The following ARID4B variants were observed in gnomAD, a reference collection of about 807,000 sequenced individuals.
The protein encoded by ARID4B is AT-rich interactive domain-containing protein 4B.
ARID4B carries 26 observed loss-of-function variants against 147.5 expected under a neutral mutation model. The ratio of observed to expected loss-of-function variants is 0.18; its 90% CI spans 0.13 to 0.24. ARID4B has a LOEUF of 0.24. Ranked by LOEUF, ARID4B falls within the 10% of genes least tolerant of loss-of-function variation. The probability of loss-of-function intolerance (pLI) is 1.00; values close to 1 mark genes in which losing one functional copy is unlikely to be tolerated. For synonymous variants in ARID4B, 512 were observed against 507.9 expected, an observed-to-expected ratio of 1.01 and a Z score of -0.11; for missense variants, 1,179 against 1,511.5, an observed-to-expected ratio of 0.78 and a Z score of 3.65.
chr1:235,221,740 T>C (rs1667476551), intron 13 of ARID4B, 78 bp from the exon 14 acceptor site: 3 of 633,056 alleles, frequency 4.7e-6, no homozygotes, highest in African/African-American at 3.7e-5. Context: ...ACAGTATATA[T>C]GAGTATATTT....
At chr1:235,258,655 A>G (rs1475924124) in intron 3 of ARID4B, among the ~76,000 whole-genome samples, 1 of 152,206 alleles carries the variant, frequency 6.6e-6, no homozygotes, top group Non-Finnish European at 1.5e-5. Flanking sequence ...TTTATCAGGT[A>G]TATGTGATAA....
At chr1:235,175,463 T>C in intron 21 of ARID4B, 64 bp from the exon 22 acceptor site, 1 of 1,346,108 alleles carries the variant, frequency 7.4e-7, no homozygotes, top group Admixed American at 1.9e-5. Flanking sequence ...CAGATTTTAG[T>C]AGGTAATTTA....
At chr1:235,287,928 C>G (rs979482624) in intron 2 of ARID4B, among the ~76,000 whole-genome samples, 6 of 152,164 alleles carry the variant, frequency 3.9e-5, no homozygotes, top group Admixed American at 3.3e-4. Context: ...GACCTATGTA[C>G]AAAACAATGT....
chr1:235,210,853 C>T (rs1666670767), intron 17 of ARID4B, among the ~76,000 whole-genome samples: 1 of 148,850 alleles, frequency 6.7e-6, no homozygotes, highest in African/African-American at 2.4e-5. Context: ...TCCCTTCCTG[C>T]TATTTAAAAA....
At chr1:235,246,619 T>TC (rs1669313945) in intron 6 of ARID4B, 108 bp from the exon 7 acceptor site, 2 of 729,096 alleles carry the variant, frequency 2.7e-6, no homozygotes, top group Non-Finnish European at 4.7e-6. Flanking sequence ...GATTAAACTC[T>TC]CCCCCCAGGG....
chr1:235,217,338 G>A (rs953919750), intron 16 of ARID4B, among the ~76,000 whole-genome samples: 10 of 152,020 alleles, frequency 6.6e-5, no homozygotes, highest in African/African-American at 2.4e-4. Context: ...AAGAAAGAGA[G>A]CCTCTGAAAG....
In ARID4B at chr1:235,237,488, C is replaced by T. The variant is rs142268013; in HGVS notation, c.585+2825G>A. ...TTGTCCTCATTTTTCACTATCATTA[C>T]AAGAGCTGACATTTACTGCATATTT... On this transcript the variant is annotated intron_variant, in intron 8 of 23. Transcript: ENST00000264183. Among the ~76,000 whole-genome samples, 897 of 152,222 alleles carry T rather than the reference C, an allele frequency of 5.9e-3. 2 individuals are homozygous for T. The highest frequency in any genetic ancestry group is 7.7e-3 in the Non-Finnish European group (526 of 68,010).
chr1:235,237,386 T>C (rs1000576920), intron 8 of ARID4B, among the ~76,000 whole-genome samples: 1 of 152,158 alleles, frequency 6.6e-6, no homozygotes, highest in Non-Finnish European at 1.5e-5. Context: ...CTTGTACATA[T>C]AGGTATCCAC....
Position 235,209,569 on chromosome 1 carries a change from T to TG in ARID4B, c.1841+4199_1841+4200insC, listed in dbSNP as rs1430681768. On this transcript the variant is annotated intron_variant, in intron 17 of 23. Transcript: ENST00000264183. ...ATTGATTTTTTTGTTTTTTGTTTTG[T>TG]TTTTTTTTTTTTGAGATGGAGTCTT... 1.1e-3 allele frequency among the ~76,000 whole-genome samples: 111 copies of TG among 101,312 alleles called. 2 individuals carry two copies. Among genetic ancestry groups the TG allele is most frequent in the African/African-American group, 5.4e-3 (107 of 19,836 alleles). 66.5% of individuals were successfully genotyped at this position (101,312 alleles called of 152,430 possible). A position where few individuals can be genotyped will look rare whatever the true frequency, so the allele number is the denominator to read the frequency against.
chr1:235,255,789 G>T, intron 4 of ARID4B, 39 bp from the exon 5 acceptor site: 2 of 1,487,216 alleles, frequency 1.3e-6, no homozygotes, highest in Non-Finnish European at 1.8e-6. Flanking sequence ...ACTTTTAAAA[G>T]GTAAATTAAC....
At chr1:235,269,254 A>C (rs547023967) in intron 2 of ARID4B, among the ~76,000 whole-genome samples, 2 of 152,278 alleles carry the variant, frequency 1.3e-5, no homozygotes, top group East Asian at 3.9e-4. Flanking sequence ...CAGAACTGAC[A>C]GAGAATCAGC....
intron 2 of ARID4B, among the ~76,000 whole-genome samples, chr1:235,299,077 G>A (rs1019540112): frequency 1.3e-5 from 2 of 152,062 alleles, no homozygotes; most frequent in Admixed American, 6.5e-5. Flanking sequence ...AACAAAGTGA[G>A]ATGCCACGTC....
rs1664384329 is a variant in ARID4B at position 235,182,479 on chromosome 1, T to C, written c.2440A>G (p.Lys814Glu). ...RKDVKKDTTD[K>E]SSKPQIKRGK... ...CGTTTTATTTGTGGTTTTGAAGATT[T>C]ATCTGTTGTGTCCTTCTTGACATCC... The change falls in exon 20 of 24, where the codon AAA becomes GAA. Residue 814 changes from lysine (K) to glutamate (E), a missense_variant. Around this residue, in one of 10 missense-constraint regions of ARID4B, gnomAD observed 321 missense variants for 342.4 expected, o/e 0.94. Coordinates refer to ENST00000264183, the MANE Select transcript of ARID4B (RefSeq NM_016374.6). 1 of 1,613,572 alleles carries C rather than the reference T, an allele frequency of 6.2e-7. No homozygotes were observed. The highest frequency in any genetic ancestry group is 8.5e-7 in the Non-Finnish European group (1 of 1,179,930).
intron 1 of ARID4B, 184 bp from the exon 2 acceptor site, chr1:235,327,152 C>A: frequency 7.3e-6 from 4 of 550,660 alleles, no homozygotes; most frequent in Non-Finnish European, 3.3e-6. Context: ...GCAAACCCAA[C>A]CACCTACACA....
chr1:235,195,721 A>G lies in ARID4B; in HGVS notation c.1926+310T>C, dbSNP rs191425122. Among the ~76,000 whole-genome samples the G allele has an allele frequency of 2.0e-5, 3 of 152,318 alleles. No homozygotes were observed. In the East Asian group the frequency reaches 5.8e-4, roughly 29 times the overall value. ...TGGTTTACAGCTACAATAATAACCT[A>G]TGTCTCTCCAAGTCACACTGCCTTA... On this transcript the variant is annotated intron_variant, in intron 18 of 23. Coordinates refer to ENST00000264183, the MANE Select transcript of ARID4B (RefSeq NM_016374.6).
chr1:235,223,685 A>ATT (rs58659735), intron 12 of ARID4B, among the ~76,000 whole-genome samples: 29,533 of 134,440 alleles, frequency 0.22, 3,705 homozygotes, highest in East Asian at 0.5. Context: ...GTAAAGCTAC[A>ATT]TTTTTTTTTT....
At chr1:235,310,824 C>T (rs1673995193) in intron 2 of ARID4B, among the ~76,000 whole-genome samples, 1 of 152,130 alleles carries the variant, frequency 6.6e-6, no homozygotes, top group African/African-American at 2.4e-5. Flanking sequence ...TCACAGGCCA[C>T]CACTCCTGGC....
chr1:235,255,796 T>C, intron 4 of ARID4B, 46 bp from the exon 5 acceptor site: 1 of 1,394,032 alleles, frequency 7.2e-7, no homozygotes, highest in Non-Finnish European at 1.0e-6. Flanking sequence ...AAAGGTAAAT[T>C]AACAAACCAA....
At chr1:235,253,861 CTT>C (rs1669791960) in intron 5 of ARID4B, among the ~76,000 whole-genome samples, 1 of 152,096 alleles carries the variant, frequency 6.6e-6, no homozygotes, top group Admixed American at 6.5e-5. Context: ...ATTAGATACT[CTT>C]CTTTCCTTTT....
Sources: allele counts gnomAD v4.1 joint callset (sites outside exome capture counted in the v4.1 genomes callset), GRCh38; gene constraint gnomAD v4.1.1; regional missense constraint gnomAD v4.1.1; transcripts MANE v1.5; gene names NCBI Gene and HGNC (gene_info 2026-07-23, HGNC 2026-07-21).